GALNT17: variants seen among roughly 807,000 people sequenced by gnomAD.
The protein encoded by GALNT17 is polypeptide N-acetylgalactosaminyltransferase 17.
A neutral mutation model predicts 63.7 loss-of-function variants in GALNT17; 29 were observed. The observed-to-expected ratio is 0.46, with a 90% CI of 0.34 to 0.62. GALNT17 has a LOEUF of 0.62. Ranked by LOEUF, GALNT17 falls within the 20% of genes least tolerant of loss-of-function variation. GALNT17 has a pLI of 0.01. For synonymous variants in GALNT17, 305 were observed against 318.3 expected (o/e 0.96, Z 0.45); for missense variants, 603 against 799.6 (o/e 0.75, Z 2.97).
At chr7:71,169,251 C>T (rs913972024) in intron 1 of GALNT17, among the ~76,000 whole-genome samples, 7 of 152,100 alleles carry the variant, frequency 4.6e-5, no homozygotes, top group Admixed American at 4.6e-4. Context: ...TCCTTGCAAT[C>T]CTCATCTCTA....
intron 1 of GALNT17, among the ~76,000 whole-genome samples, chr7:71,224,242 G>T (rs1388562817): frequency 6.6e-6 from 1 of 151,878 alleles, no homozygotes; most frequent in African/African-American, 2.4e-5. Flanking sequence ...ACGGAGTTTT[G>T]CCATGTCGGC....
chr7:71,401,293 C>T (rs911730395), intron 3 of GALNT17, among the ~76,000 whole-genome samples: 9 of 152,094 alleles, frequency 5.9e-5, no homozygotes, highest in South Asian at 2.1e-4. Context: ...GATGGTGATT[C>T]GCCATGTTGG....
intron 5 of GALNT17, among the ~76,000 whole-genome samples, chr7:71,485,099 A>ACACTTGGCAT (rs1787888791): frequency 4.7e-5 from 7 of 147,934 alleles, no homozygotes; most frequent in South Asian, 2.2e-4. Context: ...GTGAGCCACC[A>ACACTTGGCAT]TGCCCAGCCA....
intron 1 of GALNT17, among the ~76,000 whole-genome samples, chr7:71,202,276 TCATC>T (rs764286488): frequency 1.4e-3 from 219 of 152,262 alleles, no homozygotes; most frequent in Non-Finnish European, 2.7e-3. Context: ...TTAAAATAAT[TCATC>T]ACACAGACAA....
intron 5 of GALNT17, among the ~76,000 whole-genome samples, chr7:71,463,912 T>G (rs1338759192): frequency 2.6e-5 from 4 of 152,132 alleles, no homozygotes; most frequent in Non-Finnish European, 4.4e-5. Context: ...ATCAGCAAGG[T>G]CTTTGTGACC....
At chr7:71,237,654 C>T (rs896677828) in intron 1 of GALNT17, among the ~76,000 whole-genome samples, 3 of 152,108 alleles carry the variant, frequency 2.0e-5, no homozygotes, top group African/African-American at 7.2e-5. Flanking sequence ...TATGGCACTC[C>T]AGCATGGGTG....
chr7:71,300,587 CAT>C (rs1791177513), intron 1 of GALNT17: 8 of 347,324 alleles, frequency 2.3e-5, no homozygotes, highest in South Asian at 1.7e-4. Flanking sequence ...TACACACACA[CAT>C]GCATGCGCGT....
chr7:71,692,290 A>G (rs1408423579), intron 9 of GALNT17, among the ~76,000 whole-genome samples: 1 of 152,084 alleles, frequency 6.6e-6, no homozygotes, highest in Non-Finnish European at 1.5e-5. Flanking sequence ...TAAATCATCC[A>G]TGGTCCTGCC....
At chr7:71,472,219 C>G (rs1787644070) in intron 5 of GALNT17, among the ~76,000 whole-genome samples, 2 of 152,056 alleles carry the variant, frequency 1.3e-5, no homozygotes. Flanking sequence ...ATCCTCATGA[C>G]CTCATCACTT....
chr7:71,324,759 GTATA>G (rs10553976), intron 1 of GALNT17, among the ~76,000 whole-genome samples: 231 of 151,650 alleles, frequency 1.5e-3, no homozygotes, highest in African/African-American at 5.4e-3. Context: ...ATGCGTGCGT[GTATA>G]TATATATACA....
intron 1 of GALNT17, among the ~76,000 whole-genome samples, chr7:71,263,863 G>A (rs559504363): frequency 2.6e-5 from 4 of 152,264 alleles, no homozygotes; most frequent in Admixed American, 2.6e-4. Flanking sequence ...GGCGGAGCTT[G>A]CAGTGAGCCG....
At chr7:71,309,729 G>A (rs1791379162) in intron 1 of GALNT17, among the ~76,000 whole-genome samples, 1 of 152,138 alleles carries the variant, frequency 6.6e-6, no homozygotes, top group Admixed American at 6.6e-5. Flanking sequence ...GGAGAGTGGG[G>A]ATGAATTTGG....
At position 71,201,626 on chromosome 7, in the gene GALNT17, GT is replaced by G. The variant is rs35370760; in HGVS notation, c.238+68601del. Among the ~76,000 whole-genome samples the G allele has an allele frequency of 3.7e-3, 514 of 140,222 alleles. 4 individuals are homozygous for G. The highest frequency in any genetic ancestry group is 0.01 in the African/African-American group (385 of 38,310). 92.0% of individuals were successfully genotyped at this position (140,222 alleles called of 152,430 possible). A position where few individuals can be genotyped will look rare whatever the true frequency, so the allele number is the denominator to read the frequency against. ...AATTATACTTTATTTTACTTTGCCA[GT>G]TTTTTTTTTTTTTTAGTTTTTTGAG... On this transcript the variant is annotated intron_variant, in intron 1 of 10. Coordinates refer to ENST00000333538, the MANE Select transcript of GALNT17 (RefSeq NM_022479.3).
intron 1 of GALNT17, among the ~76,000 whole-genome samples, chr7:71,298,106 C>T (rs924507744): frequency 1.3e-5 from 2 of 152,172 alleles, no homozygotes; most frequent in Non-Finnish European, 2.9e-5. Context: ...CTGCAACCTC[C>T]GCCTCCCAAG....
intron 5 of GALNT17, among the ~76,000 whole-genome samples, chr7:71,502,697 C>T (rs1332878795): frequency 6.6e-6 from 1 of 152,210 alleles, no homozygotes; most frequent in African/African-American, 2.4e-5. Context: ...GTGAAGAATA[C>T]CTTAGATGAT....
chr7:71,648,536 G>A (rs978754935), intron 6 of GALNT17, among the ~76,000 whole-genome samples: 1 of 152,100 alleles, frequency 6.6e-6, no homozygotes, highest in African/African-American at 2.4e-5. Flanking sequence ...GCCTCCCAAA[G>A]TACTGGGATG....
intron 2 of GALNT17, among the ~76,000 whole-genome samples, chr7:71,363,070 G>C (rs1390504883): frequency 6.6e-6 from 1 of 151,920 alleles, no homozygotes; most frequent in African/African-American, 2.4e-5. Context: ...GGGTTCAAGT[G>C]ATTCTCCTGC....
At chr7:71,226,932 C>A (rs181284022) in intron 1 of GALNT17, among the ~76,000 whole-genome samples, 4 of 152,036 alleles carry the variant, frequency 2.6e-5, no homozygotes, top group Non-Finnish European at 4.4e-5. Flanking sequence ...GTCCGTCCCC[C>A]CTCTATGTGC....
At chr7:71,356,594 G>GGGAACTCT (rs1313340597) in intron 2 of GALNT17, among the ~76,000 whole-genome samples, 1 of 152,076 alleles carries the variant, frequency 6.6e-6, no homozygotes, top group East Asian at 1.9e-4. Context: ...TTAGCTCGCA[G>GGGAACTCT]GGAACTCTCT....
Sources: allele counts gnomAD v4.1 joint callset (sites outside exome capture counted in the v4.1 genomes callset), GRCh38; gene constraint gnomAD v4.1.1; transcripts MANE v1.5; gene names NCBI Gene and HGNC (gene_info 2026-07-23, HGNC 2026-07-21).